APCDD1: variants seen among roughly 807,000 people sequenced by gnomAD.
APCDD1 encodes protein APCDD1.
In APCDD1, 15 loss-of-function variants were observed where a neutral mutation model predicts 38.1. The observed-to-expected ratio is 0.39, with a 90% confidence interval of 0.26 to 0.61. The LOEUF is 0.61. Ranked by LOEUF, APCDD1 falls within the 20% of genes least tolerant of loss-of-function variation. The pLI, the probability that APCDD1 is intolerant of heterozygous loss-of-function variation, is 0.49. For synonymous variants in APCDD1, 261 were observed against 279.7 expected (o/e 0.93, Z 0.67); for missense variants, 647 against 696.2 (o/e 0.93, Z 0.79).
intron 1 of APCDD1, among the ~76,000 whole-genome samples, chr18:10,460,527 T>C (rs1300369805): frequency 2.1e-5 from 3 of 143,784 alleles, no homozygotes; most frequent in African/African-American, 8.0e-5. Flanking sequence ...AGCAAGACTC[T>C]GTCTCAAAAA....
intron 4 of APCDD1, among the ~76,000 whole-genome samples, chr18:10,486,121 G>A (rs2031245775): frequency 2.0e-5 from 3 of 152,206 alleles, no homozygotes; most frequent in Non-Finnish European, 4.4e-5. Flanking sequence ...GGAAACCAAG[G>A]CAGGAGGATC....
rs969678796 is a variant in APCDD1 at position 10,472,231 on chromosome 18, T to C, written c.774+170T>C. ...GGGAGGAGATGGGAAAGGCTGGGGC[T>C]GAGGGTGCTTTAGCCAGTCAGGAGA... On this transcript the variant is annotated intron_variant, in intron 3 of 4. Transcript: ENST00000355285. This position sits in a 1 kb window ranked among gnomAD's most constrained non-coding sequence, Gnocchi z 6.6. Among the ~76,000 whole-genome samples the C allele has an allele frequency of 4.6e-5, 7 of 152,140 alleles. No homozygotes were observed. The highest frequency in any genetic ancestry group is 7.4e-5 in the Non-Finnish European group (5 of 68,004).
intron 1 of APCDD1, among the ~76,000 whole-genome samples, chr18:10,457,878 G>C (rs764378391): frequency 6.6e-6 from 1 of 152,176 alleles, no homozygotes; most frequent in Non-Finnish European, 1.5e-5. Context: ...TGCAAATGTG[G>C]TGCGAGACCC....
At chr18:10,479,613 G>A (rs2031087856) in intron 3 of APCDD1, among the ~76,000 whole-genome samples, 2 of 152,166 alleles carry the variant, frequency 1.3e-5, no homozygotes, top group Admixed American at 1.3e-4. Context: ...TGGCCAGGAG[G>A]CAGCACTCAG....
chr18:10,462,632 T>C lies in APCDD1; in HGVS notation c.59-5837T>C, dbSNP rs1288964737. ...TTCCTTCCTTCCTTCCTTCCCTCCT[T>C]CCTTCCCTCCCTCCTTCCTTCCTTC... is the stretch of plus-strand genomic sequence containing the variant. On this transcript the variant is annotated intron_variant, in intron 1 of 4. Coordinates refer to ENST00000355285, the MANE Select transcript of APCDD1 (RefSeq NM_153000.5). Among the ~76,000 whole-genome samples, 2 of 98,202 alleles carry C rather than the reference T, an allele frequency of 2.0e-5. 1 individual carries two copies. The highest frequency in any genetic ancestry group is 8.2e-5 in the African/African-American group (2 of 24,534). 64.4% of individuals were successfully genotyped at this position (98,202 alleles called of 152,430 possible).
intron 3 of APCDD1, among the ~76,000 whole-genome samples, chr18:10,483,248 CA>C (rs1248399754): frequency 1.3e-5 from 2 of 152,240 alleles, no homozygotes; most frequent in African/African-American, 2.4e-5. Context: ...AGCTCATCTC[CA>C]TTTCTCCTGT....
In APCDD1 at chr18:10,475,677, GC is replaced by G. The variant is rs1292236267; in HGVS notation, c.774+3617del. Among the ~76,000 whole-genome samples the G allele has an allele frequency of 2.7e-5, 4 of 146,540 alleles. No homozygotes were observed. The highest frequency in any genetic ancestry group is 4.5e-5 in the Non-Finnish European group (3 of 67,074). On this transcript the variant is annotated intron_variant, in intron 3 of 4. Transcript: ENST00000355285. This position sits in a 1 kb window ranked among gnomAD's most constrained non-coding sequence, Gnocchi z 4.0. ...AAATTTAGATTAAAAAAAAAAAAAA[GC>G]AAGCAAACACTCCCAGACCCAGAGG...
In APCDD1 at chr18:10,468,708, C is replaced by T. The variant is rs1211100662; in HGVS notation, c.242+56C>T. 7 of 1,567,178 alleles carry T rather than the reference C, an allele frequency of 4.5e-6. 1 individual carries two copies. The highest frequency in any genetic ancestry group is 3.3e-5 in the South Asian group (3 of 89,810). On this transcript the variant is annotated intron_variant, in intron 2 of 4. Transcript: ENST00000355285. ...CAGAGAGCACACCACTATGGAAGAC[C>T]CTTCTTATGGGTTCTCAGATGCAGA...
intron 1 of APCDD1, among the ~76,000 whole-genome samples, chr18:10,460,242 A>C (rs2030499051): frequency 6.6e-6 from 1 of 152,242 alleles, no homozygotes; most frequent in African/African-American, 2.4e-5. Flanking sequence ...GAGGACGGGC[A>C]CGGTGGCTCA....
In APCDD1 at chr18:10,487,643, G is replaced by A. The variant is rs2031276689; in HGVS notation, c.1150G>A (p.Val384Ile). ...MDAATASLLNVFNGNECGAEG... is the reference protein window; with the variant it reads ...MDAATASLLNIFNGNECGAEG... ...TGCGGCCACAGCCTCACTGCTCAAC[G>A]TCTTCAACGGGAATGAGTGCGGGGC... Residue 384 changes from valine to isoleucine, a missense_variant, in exon 5 of 5, where the codon GTC becomes ATC. Transcript: ENST00000355285. The A allele has an allele frequency of 2.5e-6, 4 of 1,614,158 alleles. No homozygotes were observed. Among genetic ancestry groups the A allele is most frequent in the Non-Finnish European group, 3.4e-6 (4 of 1,180,036 alleles).
chr18:10,478,461 C>T (rs544406725), intron 3 of APCDD1, among the ~76,000 whole-genome samples: 14 of 152,300 alleles, frequency 9.2e-5, no homozygotes, highest in South Asian at 8.3e-4. Context: ...CAGTTCTGGA[C>T]GTTGGAGAGC....
rs471408 is a variant in APCDD1 at position 10,468,323 on chromosome 18, C to T, written c.59-146C>T. 6.8e-4 allele frequency: 594 copies of T among 870,854 alleles called. 2 individuals are homozygous for T. The African/African-American group carries it at 8.7e-3, about 13-fold the overall frequency. 53.9% of individuals were successfully genotyped at this position (870,854 alleles called of 1,614,324 possible). On this transcript the variant is annotated intron_variant, in intron 1 of 4. Coordinates refer to ENST00000355285, the MANE Select transcript of APCDD1 (RefSeq NM_153000.5). ...GCCACTTTGGAATGTGCATCATACA[C>T]GAGAGCACGCACTGTGATGACACCT...
chr18:10,456,429 CAAAAG>C (rs1032464841), intron 1 of APCDD1, among the ~76,000 whole-genome samples: 2 of 151,940 alleles, frequency 1.3e-5, no homozygotes, highest in Non-Finnish European at 2.9e-5. Flanking sequence ...ACACAAGAAA[CAAAAG>C]AGAGAGATGA....
chr18:10,468,694 C>T (rs1489378337), intron 2 of APCDD1, 42 bp downstream of exon 2: 17 of 1,598,850 alleles, frequency 1.1e-5, no homozygotes, highest in Non-Finnish European at 1.5e-5. Context: ...AGAGAGCACA[C>T]CACTATGGAA....
chr18:10,467,575 C>T lies in APCDD1; in HGVS notation c.59-894C>T, dbSNP rs2030747262. On this transcript the variant is annotated intron_variant, in intron 1 of 4. Transcript: ENST00000355285. This position sits in a 1 kb window ranked among gnomAD's most constrained non-coding sequence, Gnocchi z 4.8. The stretch of plus-strand genomic sequence containing the variant: ...TAGTTTTGCATGGGTAGATTGTGGC[C>T]AACCTGCATGACTCGTTCTGAAGAT... Among the ~76,000 whole-genome samples, 1 of 152,148 alleles carries T rather than the reference C, an allele frequency of 6.6e-6. No homozygotes were observed. The highest frequency in any genetic ancestry group is 2.4e-5 in the African/African-American group (1 of 41,430).
Position 10,485,409 on chromosome 18 carries a change from C to T in APCDD1, c.775-53C>T, listed in dbSNP as rs2031226867. The T allele has an allele frequency of 3.1e-6, 5 of 1,600,492 alleles. No individual in the cohort carries two copies. In the African/African-American group the frequency reaches 4.0e-5, roughly 13 times the overall value. On this transcript the variant is annotated intron_variant, in intron 3 of 4. Transcript: ENST00000355285. This position sits in a 1 kb window ranked among gnomAD's most constrained non-coding sequence, Gnocchi z 5.8. ...CCCATTTGCCGGAAGCATGTGTGCA[C>T]TGCTCCCTTGGGAAGATAGAGGCCT...
rs1257914587 is a variant in APCDD1 at position 10,454,821 on chromosome 18, C to T, written c.-161C>T. On this transcript the variant is annotated 5_prime_UTR_variant, in exon 1 of 5. Coordinates refer to ENST00000355285, the MANE Select transcript of APCDD1 (RefSeq NM_153000.5). ...CGCCCAGAGAGCGCGCGCCCCGCAG[C>T]CCCGCGCCTAGCCCGCCGGGCATGG... 1 of 990,094 alleles carries T rather than the reference C, an allele frequency of 1.0e-6. No homozygotes were observed. The highest frequency in any genetic ancestry group is 6.2e-5 in the Admixed American group (1 of 16,082). The allele number at this position is 990,094 out of a possible 1,614,324, so 61.3% of individuals were successfully genotyped here.
chr18:10,483,203 G>A (rs887316056), intron 3 of APCDD1, among the ~76,000 whole-genome samples: 7 of 152,224 alleles, frequency 4.6e-5, no homozygotes, highest in Admixed American at 6.5e-5. Flanking sequence ...TTTCCGTGAC[G>A]TAATTAAGCT....
intron 3 of APCDD1, among the ~76,000 whole-genome samples, chr18:10,473,695 G>T (rs534571271): frequency 2.0e-5 from 3 of 152,312 alleles, no homozygotes; most frequent in Admixed American, 6.5e-5. Flanking sequence ...TTCTGGGTCA[G>T]GGTTGAGTGG....
Sources: gnomAD v4.1 joint callset for allele counts (sites outside exome capture counted in the v4.1 genomes callset) on GRCh38, gnomAD v4.1.1 for gene constraint, Gnocchi (gnomAD v3.1) non-coding constraint, MANE v1.5 for transcripts, NCBI Gene and HGNC (gene_info 2026-07-23, HGNC 2026-07-21) for gene names.